PRRG4: variants seen among roughly 807,000 people sequenced by gnomAD.
PRRG4 encodes the protein proline rich and Gla domain 4, also known as transmembrane gamma-carboxyglutamic acid protein 4.
Under a neutral mutation model 20.0 loss-of-function variants are expected in PRRG4, and 12 were observed. That is an observed-to-expected ratio of 0.60 (90% CI 0.38 to 0.97). PRRG4 has a LOEUF of 0.97. PRRG4 is among the 50% of genes least tolerant of loss of function. The probability of loss-of-function intolerance (pLI) is 0.00; values close to 1 mark genes in which losing one functional copy is unlikely to be tolerated. For missense variants in PRRG4, 199 were observed against 265.1 expected (o/e 0.75, Z 1.73); for synonymous variants, 94 against 96.4 (o/e 0.98, Z 0.15).
In PRRG4 at chr11:32,840,059, A is replaced by C. The variant is rs1415892177; in HGVS notation, c.317-48A>C. On this transcript the variant is annotated intron_variant, in intron 4 of 5. Transcript: ENST00000257836. The surrounding 1 kb of genome is among the most constrained non-coding windows in gnomAD (Gnocchi z 4.1). ...ATTAAATTTGTTGAAATCATAGGTGATGCTATATAGTTGTTATATTTATGT... is the reference window on the plus strand; with the variant it reads ...ATTAAATTTGTTGAAATCATAGGTGCTGCTATATAGTTGTTATATTTATGT... The C allele has an allele frequency of 7.3e-7, 1 of 1,368,882 alleles. No homozygotes were observed. Among genetic ancestry groups the C allele is most frequent in the Admixed American group, 1.7e-5 (1 of 58,124 alleles). The allele number at this position is 1,368,882 out of a possible 1,614,324, so 84.8% of individuals were successfully genotyped here.
intron 2 of PRRG4, among the ~76,000 whole-genome samples, chr11:32,835,660 T>TAGAGGG (rs1450456715): frequency 6.6e-6 from 1 of 152,240 alleles, no homozygotes. Flanking sequence ...GGGTGTACCG[T>TAGAGGG]AGAGGGAGCT....
chr11:32,830,290 G>T (rs1304367592), intron 1 of PRRG4, 117 bp downstream of exon 1: 3 of 868,516 alleles, frequency 3.5e-6, no homozygotes, highest in Non-Finnish European at 4.6e-6. Context: ...ACAGGTGCCC[G>T]ATCAGCCCTC....
intron 2 of PRRG4, 97 bp from the exon 3 acceptor site, chr11:32,836,561 C>G: frequency 1.7e-6 from 1 of 591,922 alleles, no homozygotes; most frequent in Non-Finnish European, 2.7e-6. Context: ...TATAATTTAG[C>G]CACATCAAGA....
chr11:32,846,238 G>A (rs970123080), intron 5 of PRRG4, among the ~76,000 whole-genome samples: 1 of 152,134 alleles, frequency 6.6e-6, no homozygotes, highest in Non-Finnish European at 1.5e-5. Context: ...TGGAACTCCT[G>A]GCCTCAGGCA....
chr11:32,833,584 G>A (rs1419262102), intron 2 of PRRG4, among the ~76,000 whole-genome samples: 1 of 152,168 alleles, frequency 6.6e-6, no homozygotes, highest in Non-Finnish European at 1.5e-5. Context: ...GCAGGCTATG[G>A]GTTGCTTAAT....
chr11:32,847,732 G>T (rs181878088), intron 5 of PRRG4, among the ~76,000 whole-genome samples: 2 of 152,234 alleles, frequency 1.3e-5, no homozygotes, highest in East Asian at 3.9e-4. Context: ...ATAACCAAAG[G>T]GTTGATGGAA....
Position 32,853,483 on chromosome 11 carries a change from G to A in PRRG4, c.637G>A (p.Gly213Arg), listed in dbSNP as rs758710910. The A allele has an allele frequency of 2.5e-6, 4 of 1,614,060 alleles. No individual in the cohort carries two copies. In the African/African-American group the frequency reaches 4.0e-5, roughly 16 times the overall value. The change falls in exon 6 of 6, where the codon GGA becomes AGA. Residue 213 changes from glycine to arginine, a missense_variant. By Grantham distance (125) the Gly-to-Arg change is moderately radical. Coordinates refer to ENST00000257836, the MANE Select transcript of PRRG4 (RefSeq NM_024081.6). Reference sequence around the variant, plus strand: ...ACCACCATATCCTGGGCACACAAAAGGATTTAGGGTATTTAAAAAATCTAT... The same window carrying A: ...ACCACCATATCCTGGGCACACAAAAAGATTTAGGGTATTTAAAAAATCTAT... ...PPPPYPGHTK[G>R]FRVFKKSMSL...
chr11:32,839,616 A>G (rs1301585153), intron 4 of PRRG4, among the ~76,000 whole-genome samples: 1 of 148,414 alleles, frequency 6.7e-6, no homozygotes. Context: ...TTAAATAAAT[A>G]AATTTAAATA....
chr11:32,845,705 TACA>T (rs1851123935), intron 5 of PRRG4, among the ~76,000 whole-genome samples: 1 of 151,336 alleles, frequency 6.6e-6, no homozygotes, highest in Non-Finnish European at 1.5e-5. Flanking sequence ...CAGTGTGGGA[TACA>T]ACTAGTCACT....
intron 5 of PRRG4, among the ~76,000 whole-genome samples, chr11:32,851,118 T>C (rs1590679517): frequency 1.3e-5 from 2 of 152,192 alleles, no homozygotes; most frequent in East Asian, 3.9e-4. Flanking sequence ...AAAAGACCTT[T>C]TCATTTCTTA....
Position 32,829,941 on chromosome 11 carries a change from T to G in PRRG4, c.-255T>G, listed in dbSNP as rs61889487. 3,683 of 985,514 alleles carry G rather than the reference T, an allele frequency of 3.7e-3. 96 individuals carry two copies. The African/African-American group carries it at 0.059, about 16-fold the overall frequency. The allele number at this position is 985,514 out of a possible 1,614,324, so 61.0% of individuals were successfully genotyped here. ...CTCCTCCCGTCCTCCGTCGGCCGCCTCCCCGGACCGAGGCAGGACCTCACC... is the reference window on the plus strand; with the variant it reads ...CTCCTCCCGTCCTCCGTCGGCCGCCGCCCCGGACCGAGGCAGGACCTCACC... On this transcript the variant is annotated 5_prime_UTR_variant, in exon 1 of 6. Coordinates refer to ENST00000257836, the MANE Select transcript of PRRG4 (RefSeq NM_024081.6).
chr11:32,836,821 G>T lies in PRRG4; in HGVS notation c.267G>T (p.Thr89=). 6.2e-7 allele frequency: 1 copy of T among 1,607,330 alleles called. No individual in the cohort carries two copies. Among genetic ancestry groups the T allele is most frequent in the South Asian group, 1.1e-5 (1 of 90,202 alleles). ...AREIFVDEDK[T]IAFWQEYSAK... ...AGATTTTTGTGGATGAAGATAAAAC[G>T]GTAATGTGGTTGATTATGTTAATTG... The change falls in exon 3 of 6, where the codon ACG becomes ACT. Residue 89 remains threonine, a splice_region_variant and synonymous_variant. Coordinates refer to ENST00000257836, the MANE Select transcript of PRRG4 (RefSeq NM_024081.6).
chr11:32,841,530 G>A (rs1302956286), intron 5 of PRRG4, among the ~76,000 whole-genome samples: 1 of 152,144 alleles, frequency 6.6e-6, no homozygotes, highest in Non-Finnish European at 1.5e-5. Flanking sequence ...CTGGCATGGT[G>A]GCTCACACCT....
In PRRG4 at chr11:32,855,544, A is replaced by G. The variant is rs1851222496; in HGVS notation, c.*2017A>G. On this transcript the variant is annotated 3_prime_UTR_variant, in exon 6 of 6. Transcript: ENST00000257836. Reference sequence around the variant, plus strand: ...AAGCATAAATCATATTACAGTGCATATGTGAGTGTATGTCTCTCTTTTAAG... The same window carrying G: ...AAGCATAAATCATATTACAGTGCATGTGTGAGTGTATGTCTCTCTTTTAAG... The G allele has an allele frequency of 6.6e-6, 1 of 152,218 alleles. No homozygotes were observed. The highest frequency in any genetic ancestry group is 2.4e-5 in the African/African-American group (1 of 41,452). The allele number at this position is 152,218 out of a possible 1,614,324, so 9.4% of individuals were successfully genotyped here.
At chr11:32,842,568 A>G (rs891799136) in intron 5 of PRRG4, among the ~76,000 whole-genome samples, 3 of 151,988 alleles carry the variant, frequency 2.0e-5, no homozygotes, top group Non-Finnish European at 2.9e-5. Context: ...TAAAAATACA[A>G]AATTAGCCAG....
At chr11:32,839,008 G>C in intron 4 of PRRG4, 78 bp downstream of exon 4, 1 of 1,111,208 alleles carries the variant, frequency 9.0e-7, no homozygotes, top group Non-Finnish European at 1.4e-6. Flanking sequence ...TATTGTTTGA[G>C]TTTGGTTGTT....
intron 5 of PRRG4, among the ~76,000 whole-genome samples, chr11:32,851,332 A>G (rs1222902583): frequency 6.6e-6 from 1 of 152,198 alleles, no homozygotes; most frequent in Non-Finnish European, 1.5e-5. Flanking sequence ...ATTTATTCAA[A>G]TAAAATATCT....
Position 32,840,401 on chromosome 11 carries a change from C to T in PRRG4, c.449+162C>T, listed in dbSNP as rs1851066972. 6.6e-6 allele frequency among the ~76,000 whole-genome samples: 1 copy of T among 152,110 alleles called. No homozygotes were observed. The highest frequency in any genetic ancestry group is 6.6e-5 in the Admixed American group (1 of 15,266). On this transcript the variant is annotated intron_variant, in intron 5 of 5. Coordinates refer to ENST00000257836, the MANE Select transcript of PRRG4 (RefSeq NM_024081.6). The surrounding 1 kb of genome is among the most constrained non-coding windows in gnomAD (Gnocchi z 4.1). ...TGCAAAGGTTAATACAGAGAGTTCC[C>T]ACATATCCATCACCCAATTTCCCAC...
chr11:32,830,380 G>A (rs1479383625), intron 1 of PRRG4, 128 bp from the exon 2 acceptor site: 9 of 931,246 alleles, frequency 9.7e-6, no homozygotes, highest in East Asian at 3.2e-5. Context: ...TCCGGCGACC[G>A]AAACCGCGCG....
Sources: allele counts gnomAD v4.1 joint callset (sites outside exome capture counted in the v4.1 genomes callset), GRCh38; gene constraint gnomAD v4.1.1; non-coding constraint Gnocchi (gnomAD v3.1); transcripts MANE v1.5; gene names NCBI Gene and HGNC (gene_info 2026-07-23, HGNC 2026-07-21).